DGCR8: variants seen among roughly 807,000 people sequenced by gnomAD.
DGCR8 encodes DGCR8 microprocessor complex subunit.
DGCR8 carries 14 observed loss-of-function variants against 78.5 expected under a neutral mutation model. The observed-to-expected ratio is 0.18, with a 90% CI of 0.12 to 0.28. The LOEUF is 0.28. Ranked by LOEUF, DGCR8 falls within the 10% of genes least tolerant of loss-of-function variation. The pLI, the probability that DGCR8 is intolerant of heterozygous loss-of-function variation, is 1.00. For synonymous variants in DGCR8, 399 were observed against 402.4 expected (o/e 0.99, Z 0.10); for missense variants, 702 against 1,022.5 (o/e 0.69, Z 4.28).
At position 20,104,847 on chromosome 22, in the gene DGCR8, G is replaced by A. The variant is rs184007411; in HGVS notation, c.1789-1330G>A. ...TGGCCTTGCTGCTTGCTGGAGCGGC[G>A]AGGGCAGAGGAGCTGCCCACTGCCC... is the stretch of plus-strand genomic sequence containing the variant. On this transcript the variant is annotated intron_variant, in intron 9 of 13. Transcript: ENST00000351989. 2.4e-3 allele frequency among the ~76,000 whole-genome samples: 281 copies of A among 115,834 alleles called. 2 individuals are homozygous for A. Among genetic ancestry groups the A allele is most frequent in the African/African-American group, 6.8e-3 (264 of 38,772 alleles). 76.0% of individuals were successfully genotyped at this position (115,834 alleles called of 152,430 possible).
At chr22:20,083,076 C>T (rs932559116) in intron 1 of DGCR8, among the ~76,000 whole-genome samples, 1 of 152,180 alleles carries the variant, frequency 6.6e-6, no homozygotes, top group African/African-American at 2.4e-5. Context: ...CCCCAGCCCT[C>T]TGCTTTTCCT....
At position 20,086,850 on chromosome 22, in the gene DGCR8, G is replaced by A. The variant is rs2049490508; in HGVS notation, c.720+167G>A. ...TGTGGAGAAGAGAAAGATGTAAGGA[G>A]TCCAGATTTTTAAAGTTTCCTAATG... On this transcript the variant is annotated intron_variant, in intron 2 of 13. Transcript: ENST00000351989. This position sits in a 1 kb window ranked among gnomAD's most constrained non-coding sequence, Gnocchi z 6.4. The A allele has an allele frequency of 1.1e-6, 1 of 934,902 alleles. No individual in the cohort carries two copies. Among genetic ancestry groups the A allele is most frequent in the Non-Finnish European group, 1.5e-6 (1 of 645,308 alleles). 57.9% of individuals were successfully genotyped at this position (934,902 alleles called of 1,614,324 possible).
intron 9 of DGCR8, among the ~76,000 whole-genome samples, chr22:20,099,604 T>A (rs2049670971): frequency 6.6e-6 from 1 of 152,220 alleles, no homozygotes; most frequent in Non-Finnish European, 1.5e-5. Context: ...TTGTCTTTCT[T>A]GAATCAACAC....
Position 20,086,195 on chromosome 22 carries a change from G to C in DGCR8, c.232G>C (p.Gly78Arg). Reference sequence around the variant, plus strand: ...CTACGGAGCTTCTCTTCTCTCCAAAGGATCCTTCTCTAAGGGCCGCCTCCT... The same window carrying C: ...CTACGGAGCTTCTCTTCTCTCCAAACGATCCTTCTCTAAGGGCCGCCTCCT... ...NFYGASLLSK[G>R]SFSKGRLLID... Residue 78 changes from glycine to arginine, a missense_variant, in exon 2 of 14, where the codon GGA (glycine) becomes CGA (arginine). Physicochemically the swap from Gly to Arg is moderately radical, Grantham distance 125. Coordinates refer to ENST00000351989, the MANE Select transcript of DGCR8 (RefSeq NM_022720.7). This position sits in a 1 kb window ranked among gnomAD's most constrained non-coding sequence, Gnocchi z 6.4. 1 of 1,614,158 alleles carries C rather than the reference G, an allele frequency of 6.2e-7. No homozygotes were observed. Among genetic ancestry groups the C allele is most frequent in the African/African-American group, 1.3e-5 (1 of 75,046 alleles).
rs1200351922 is a variant in DGCR8 at position 20,110,144 on chromosome 22, G to A, written c.*36G>A. On this transcript the variant is annotated 3_prime_UTR_variant, in exon 14 of 14. Coordinates refer to ENST00000351989, the MANE Select transcript of DGCR8 (RefSeq NM_022720.7). ...ACGGGCCAGGGCGCGGGGGCCGCCA[G>A]CCGCACTTCTGAGGAGACCAGCAGT... 16 of 1,592,738 alleles carry A rather than the reference G, an allele frequency of 1.0e-5. No individual in the cohort carries two copies. The highest frequency in any genetic ancestry group is 1.4e-5 in the Non-Finnish European group (16 of 1,172,350).
chr22:20,111,673 G>C lies in DGCR8; in HGVS notation c.*1565G>C. On this transcript the variant is annotated 3_prime_UTR_variant, in exon 14 of 14. Coordinates refer to ENST00000351989, the MANE Select transcript of DGCR8 (RefSeq NM_022720.7). ...CTTGCTGTTCCCAGGCACCACCACAGCAGGTGCTGCCATACTCTTGTGGTC... is the reference window on the plus strand; with the variant it reads ...CTTGCTGTTCCCAGGCACCACCACACCAGGTGCTGCCATACTCTTGTGGTC... The C allele has an allele frequency of 4.4e-6, 1 of 226,160 alleles. No individual in the cohort carries two copies. Among genetic ancestry groups the C allele is most frequent in the Non-Finnish European group, 8.3e-6 (1 of 120,732 alleles). The allele number at this position is 226,160 out of a possible 1,614,324, so 14.0% of individuals were successfully genotyped here. A position where few individuals can be genotyped will look rare whatever the true frequency, so the allele number is the denominator to read the frequency against.
intron 9 of DGCR8, chr22:20,101,199 G>A: frequency 7.1e-6 from 7 of 985,346 alleles, no homozygotes; most frequent in Non-Finnish European, 8.4e-6. Context: ...AAGACCGTGT[G>A]TTTTTATGAT....
intron 9 of DGCR8, among the ~76,000 whole-genome samples, chr22:20,098,021 G>A (rs1450074945): frequency 6.6e-6 from 1 of 150,930 alleles, no homozygotes; most frequent in Non-Finnish European, 1.5e-5. Context: ...CAGCTACCCG[G>A]GAGGCTGAGG....
intron 8 of DGCR8, 43 bp downstream of exon 8, chr22:20,092,950 G>A (rs960390941): frequency 2.0e-6 from 3 of 1,527,858 alleles, no homozygotes; most frequent in Admixed American, 1.7e-5. Context: ...GCTGCCTGCT[G>A]TGTCTGCCTC....
Position 20,111,403 on chromosome 22 carries a change from G to A in DGCR8, c.*1295G>A, listed in dbSNP as rs1443912370. The A allele has an allele frequency of 2.5e-6, 1 of 396,476 alleles. No homozygotes were observed. The highest frequency in any genetic ancestry group is 3.6e-5 in the East Asian group (1 of 27,858). The allele number at this position is 396,476 out of a possible 1,614,324, so 24.6% of individuals were successfully genotyped here. On this transcript the variant is annotated 3_prime_UTR_variant, in exon 14 of 14. Transcript: ENST00000351989. ...TCTGTCAGGAAAACAATGTTGGCCT[G>A]TGGGCCGCCCACAACATATCCTTCC...
Position 20,103,193 on chromosome 22 carries a change from A to G in DGCR8, c.1789-2984A>G, listed in dbSNP as rs1057018540. 6.6e-5 allele frequency among the ~76,000 whole-genome samples: 10 copies of G among 152,242 alleles called. No individual in the cohort carries two copies. The East Asian group carries it at 7.7e-4, about 12-fold the overall frequency. On this transcript the variant is annotated intron_variant, in intron 9 of 13. Coordinates refer to ENST00000351989, the MANE Select transcript of DGCR8 (RefSeq NM_022720.7). Reference sequence around the variant, plus strand: ...TGATTGGAATTGATCCTGTAGATCAATCTGGGGAGAATGGACATCCTAACA... The same window carrying G: ...TGATTGGAATTGATCCTGTAGATCAGTCTGGGGAGAATGGACATCCTAACA...
At position 20,086,275 on chromosome 22, in the gene DGCR8, G is replaced by A. The variant is rs1012463946; in HGVS notation, c.312G>A (p.Ala104=). Reference sequence around the variant, plus strand: ...CGCGCACCGCCCGGCACGCACCTGCGGTCCGGAAGTTCTCCCCTGACCTTA... The same window carrying A: ...CGCGCACCGCCCGGCACGCACCTGCAGTCCGGAAGTTCTCCCCTGACCTTA... ...HSPRTARHAP[A]VRKFSPDLKL... is the part of the protein sequence containing the mutation. The change falls in exon 2 of 14, where the codon GCG becomes GCA. Residue 104 remains alanine, a synonymous_variant. Coordinates refer to ENST00000351989, the MANE Select transcript of DGCR8 (RefSeq NM_022720.7). The surrounding 1 kb of genome is among the most constrained non-coding windows in gnomAD (Gnocchi z 6.4). 4.3e-6 allele frequency: 7 copies of A among 1,614,028 alleles called. No homozygotes were observed. Among genetic ancestry groups the A allele is most frequent in the South Asian group, 3.3e-5 (3 of 91,082 alleles).
chr22:20,085,240 G>A lies in DGCR8; in HGVS notation c.-277-447G>A, dbSNP rs991395453. ...GCCGCAGAGTTGAGCTGAGGGTCTC[G>A]CGCTCGCCCTCTGACTGACCCAGCC... is the stretch of plus-strand genomic sequence containing the variant. On this transcript the variant is annotated intron_variant, in intron 1 of 13. Coordinates refer to ENST00000351989, the MANE Select transcript of DGCR8 (RefSeq NM_022720.7). The surrounding 1 kb of genome is among the most constrained non-coding windows in gnomAD (Gnocchi z 6.2). 2.0e-5 allele frequency among the ~76,000 whole-genome samples: 3 copies of A among 152,236 alleles called. No individual in the cohort carries two copies. The highest frequency in any genetic ancestry group is 2.9e-5 in the Non-Finnish European group (2 of 68,024).
chr22:20,104,279 C>G (rs1487595817), intron 9 of DGCR8, among the ~76,000 whole-genome samples: 1 of 152,154 alleles, frequency 6.6e-6, no homozygotes, highest in Non-Finnish European at 1.5e-5. Flanking sequence ...ATTCTCCTGC[C>G]TCAGCCTCCC....
At position 20,107,349 on chromosome 22, in the gene DGCR8, G is replaced by A; in HGVS notation, c.2075G>A (p.Gly692Glu). 6.2e-7 allele frequency: 1 copy of A among 1,614,184 alleles called. No individual in the cohort carries two copies. The highest frequency in any genetic ancestry group is 8.5e-7 in the Non-Finnish European group (1 of 1,180,030). The change falls in exon 12 of 14, where the codon GGG becomes GAG. Residue 692 changes from glycine to glutamate, a missense_variant. Around this residue, in one of 4 missense-constraint regions of DGCR8, gnomAD observed 225 missense variants for 427.7 expected, o/e 0.53. Transcript: ENST00000351989. Reference sequence around the variant, plus strand: ...CTGCACCCACATGTCAAGAACTGGGGGTCTTTACTGCGCATGTATGGCCGT... The same window carrying A: ...CTGCACCCACATGTCAAGAACTGGGAGTCTTTACTGCGCATGTATGGCCGT... The part of the protein sequence containing the change: ...QLLHPHVKNW[G>E]SLLRMYGRES...
chr22:20,096,377 G>A, intron 9 of DGCR8: 1 of 920,896 alleles, frequency 1.1e-6, no homozygotes, highest in Non-Finnish European at 1.3e-6. Context: ...GTATAAGTGG[G>A]CCCATGGAGT....
intron 9 of DGCR8, among the ~76,000 whole-genome samples, chr22:20,104,625 A>G (rs996282269): frequency 6.6e-6 from 1 of 152,176 alleles, no homozygotes; most frequent in Admixed American, 6.5e-5. Flanking sequence ...GCTGGTTGAC[A>G]AACCCTTGAG....
At chr22:20,096,940 T>G (rs924536177) in intron 9 of DGCR8, among the ~76,000 whole-genome samples, 2 of 152,216 alleles carry the variant, frequency 1.3e-5, no homozygotes, top group Non-Finnish European at 2.9e-5. Context: ...TGTTTTTTTT[T>G]GTCTTTTATT....
At position 20,090,167 on chromosome 22, in the gene DGCR8, G is replaced by A. The variant is rs150434219; in HGVS notation, c.1215G>A (p.Pro405=). Residue 405 remains proline (P), a synonymous_variant, in exon 5 of 14, where the codon CCG becomes CCA. Coordinates refer to ENST00000351989, the MANE Select transcript of DGCR8 (RefSeq NM_022720.7). ...PDSMGADPGP[P]DEKDPLGAEA... ...CTATGGGTGCTGACCCGGGGCCCCC[G>A]GACGAGAAAGACCCACTAGGGGCTG... 273 of 1,614,218 alleles carry A rather than the reference G, an allele frequency of 1.7e-4. 1 individual carries two copies. Among genetic ancestry groups the A allele is most frequent in the South Asian group, 2.5e-4 (23 of 91,086 alleles).
Sources: gnomAD v4.1 joint callset for allele counts (sites outside exome capture counted in the v4.1 genomes callset) on GRCh38, gnomAD v4.1.1 for gene constraint, gnomAD v4.1.1 regional missense constraint, Gnocchi (gnomAD v3.1) non-coding constraint, MANE v1.5 for transcripts, NCBI Gene and HGNC (gene_info 2026-07-23, HGNC 2026-07-21) for gene names.